Variants in ARHGDIB observed in about 807,000 individuals in gnomAD.
ARHGDIB encodes the protein Rho GDP dissociation inhibitor beta.
Under a neutral mutation model 22.6 loss-of-function variants are expected in ARHGDIB, and 20 were observed. That is an observed-to-expected ratio of 0.88 (90% CI 0.62 to 1.28). The LOEUF (loss-of-function observed/expected upper bound fraction) is 1.28, where lower values mean the gene tolerates loss of function less well. Among genes scored for constraint, ARHGDIB ranks in the 50% most tolerant of loss-of-function variants. ARHGDIB has a pLI of 0.00. For synonymous variants in ARHGDIB, 114 were observed against 96.1 expected, an observed-to-expected ratio of 1.19 and a Z score of -1.09; for missense variants, 254 against 245.4, an observed-to-expected ratio of 1.04 and a Z score of -0.23.
At chr12:14,944,291 T>G (rs561832814) in intron 5 of ARHGDIB, among the ~76,000 whole-genome samples, 3 of 152,144 alleles carry the variant, frequency 2.0e-5, no homozygotes, top group East Asian at 3.9e-4. Flanking sequence ...AGAAAATATT[T>G]TTTTTTCTAT....
At chr12:14,957,656 C>T (rs1864329950) in intron 1 of ARHGDIB, among the ~76,000 whole-genome samples, 1 of 152,158 alleles carries the variant, frequency 6.6e-6, no homozygotes, top group South Asian at 2.1e-4. Flanking sequence ...TGAGAAATGT[C>T]AGTGAACACA....
At chr12:14,956,407 T>C (rs1864302305) in intron 1 of ARHGDIB, 1 of 152,126 alleles carries the variant, frequency 6.6e-6, no homozygotes, top group African/African-American at 2.4e-5. Context: ...TGCTCCCTAA[T>C]TTAAAGAAGC....
rs140632561 is a variant in ARHGDIB at position 14,944,693 on chromosome 12, A to G, written c.406+83T>C. On this transcript the variant is annotated intron_variant, in intron 5 of 5. Transcript: ENST00000228945. ...TTTTATTGTATTCTCATCTGAGTCT[A>G]TAGCTAAAAGTTGCTAATAACCAGA... 24 of 1,340,172 alleles carry G rather than the reference A, an allele frequency of 1.8e-5. 1 individual carries two copies. In the East Asian group the frequency reaches 4.9e-4, roughly 28 times the overall value. The allele number at this position is 1,340,172 out of a possible 1,614,324, so 83.0% of individuals were successfully genotyped here.
chr12:14,942,615 C>T lies in ARHGDIB; in HGVS notation c.513G>A (p.Thr171=), dbSNP rs764374478. 2.7e-5 allele frequency: 43 copies of T among 1,614,014 alleles called. No homozygotes were observed. In the East Asian group the frequency reaches 2.7e-4, roughly 10 times the overall value. Residue 171 remains threonine (T), a synonymous_variant, in exon 6 of 6, where the codon ACG becomes ACA. Coordinates refer to ENST00000228945, the MANE Select transcript of ARHGDIB (RefSeq NM_001175.7). ...CGGTGAAGAAGGACTTGTTGTGGTA[C>T]GTGCCTCGCGCCAGCATGCCCTTGG... The part of the protein sequence containing the change: ...EAPKGMLARG[T]YHNKSFFTDD...
Position 14,949,744 on chromosome 12 carries a change from C to G in ARHGDIB, c.265+58G>C, listed in dbSNP as rs371471053. ...TTCTGTTGGAACAGGAGACAGAGAC[C>G]AAGTTTTCTTTGTGATATCTTAGGC... On this transcript the variant is annotated intron_variant, in intron 3 of 5. Coordinates refer to ENST00000228945, the MANE Select transcript of ARHGDIB (RefSeq NM_001175.7). 72 of 1,532,588 alleles carry G rather than the reference C, an allele frequency of 4.7e-5. No homozygotes were observed. The African/African-American group carries it at 9.2e-4, about 20-fold the overall frequency. 94.9% of individuals were successfully genotyped at this position (1,532,588 alleles called of 1,614,324 possible). A position where few individuals can be genotyped will look rare whatever the true frequency, so the allele number is the denominator to read the frequency against.
chr12:14,948,602 T>C (rs1025754174), intron 3 of ARHGDIB, among the ~76,000 whole-genome samples: 2 of 152,198 alleles, frequency 1.3e-5, no homozygotes, highest in African/African-American at 4.8e-5. Context: ...TCCTGTACCC[T>C]GATTAAGGAG....
chr12:14,956,379 T>C (rs1300188351), intron 1 of ARHGDIB: 1 of 152,190 alleles, frequency 6.6e-6, no homozygotes, highest in Non-Finnish European at 1.5e-5. Flanking sequence ...AGGCCCCTTC[T>C]TAATTTAATG....
At chr12:14,954,248 G>C (rs1305372823) in intron 1 of ARHGDIB, among the ~76,000 whole-genome samples, 2 of 152,204 alleles carry the variant, frequency 1.3e-5, no homozygotes, top group Non-Finnish European at 2.9e-5. Flanking sequence ...CAAAGTGCTG[G>C]GATTACAGGT....
chr12:14,948,158 GCT>G (rs1864074080), intron 3 of ARHGDIB, among the ~76,000 whole-genome samples: 1 of 150,474 alleles, frequency 6.6e-6, no homozygotes, highest in Admixed American at 6.6e-5. Context: ...AAATCTTACA[GCT>G]CTGTTATGAA....
intron 4 of ARHGDIB, among the ~76,000 whole-genome samples, chr12:14,946,523 C>G (rs1042066014): frequency 6.6e-5 from 10 of 152,154 alleles, no homozygotes; most frequent in Admixed American, 1.3e-4. Flanking sequence ...CTGGGACAAG[C>G]CACAGGATGG....
At chr12:14,951,772 T>G (rs1204206009) in intron 1 of ARHGDIB, among the ~76,000 whole-genome samples, 1 of 141,234 alleles carries the variant, frequency 7.1e-6, no homozygotes. Context: ...ATTCAAAAAT[T>G]ATTCCTTTTA....
At chr12:14,955,328 C>T (rs74438349) in intron 1 of ARHGDIB, among the ~76,000 whole-genome samples, 1 of 152,098 alleles carries the variant, frequency 6.6e-6, no homozygotes, top group Non-Finnish European at 1.5e-5. Context: ...TAATATCACC[C>T]TATAGACAGT....
At position 14,942,487 on chromosome 12, in the gene ARHGDIB, C is replaced by T. The variant is rs1863886542; in HGVS notation, c.*35G>A. 6.2e-7 allele frequency: 1 copy of T among 1,611,654 alleles called. No homozygotes were observed. The highest frequency in any genetic ancestry group is 1.3e-5 in the African/African-American group (1 of 74,978). On this transcript the variant is annotated 3_prime_UTR_variant, in exon 6 of 6. Transcript: ENST00000228945. The stretch of plus-strand genomic sequence containing the variant: ...GCTGAACACGCCTGAGAGAATTCTT[C>T]CAGGTGGCAAGGGTGGGGAAAGGGG...
chr12:14,943,749 T>C (rs1323809062), intron 5 of ARHGDIB, among the ~76,000 whole-genome samples: 5 of 152,132 alleles, frequency 3.3e-5, no homozygotes, highest in Non-Finnish European at 7.3e-5. Flanking sequence ...CTGGAATATA[T>C]ATTAAGAATA....
intron 1 of ARHGDIB, among the ~76,000 whole-genome samples, chr12:14,960,791 C>A (rs543194860): frequency 9.2e-5 from 14 of 152,234 alleles, no homozygotes; most frequent in Non-Finnish European, 1.9e-4. Flanking sequence ...GCGTGAGCCA[C>A]CACGCCCAGC....
chr12:14,947,033 ATCC>A (rs1391305510), intron 4 of ARHGDIB, among the ~76,000 whole-genome samples: 2 of 152,210 alleles, frequency 1.3e-5, no homozygotes, highest in Non-Finnish European at 2.9e-5. Context: ...CCTGAATCAT[ATCC>A]TGTACCTTGG....
intron 5 of ARHGDIB, among the ~76,000 whole-genome samples, chr12:14,943,113 C>A (rs981530255): frequency 1.3e-5 from 2 of 152,144 alleles, no homozygotes; most frequent in Non-Finnish European, 2.9e-5. Context: ...GGTGATCCAC[C>A]CGCCTCGGCC....
chr12:14,943,892 C>A (rs909018288), intron 5 of ARHGDIB, among the ~76,000 whole-genome samples: 1 of 152,084 alleles, frequency 6.6e-6, no homozygotes, highest in African/African-American at 2.4e-5. Context: ...GGCTTTATGC[C>A]CAAAGGAAAA....
chr12:14,947,981 T>C, intron 3 of ARHGDIB, 32 bp from the exon 4 acceptor site: 1 of 1,559,790 alleles, frequency 6.4e-7, no homozygotes, highest in Non-Finnish European at 8.8e-7. Context: ...GAGTTTATCC[T>C]CAAAAGCAGA....
Sources: gnomAD v4.1 joint callset for allele counts (sites outside exome capture counted in the v4.1 genomes callset) on GRCh38, gnomAD v4.1.1 for gene constraint, MANE v1.5 for transcripts, NCBI Gene and HGNC (gene_info 2026-07-23, HGNC 2026-07-21) for gene names.